TLN2: variants seen among roughly 807,000 people sequenced by gnomAD.
TLN2 encodes the protein talin-2.
TLN2 carries 118 observed loss-of-function variants against 294.7 expected under a neutral mutation model. The observed-to-expected ratio is 0.40, with a 90% confidence interval of 0.34 to 0.47. The LOEUF is 0.47. Ranked by LOEUF, TLN2 falls within the 20% of genes least tolerant of loss-of-function variation. TLN2 has a pLI of 0.84. For missense variants in TLN2, 3,083 were observed against 3,282.2 expected (o/e 0.94, Z 1.48); for synonymous variants, 1,431 against 1,304.5 (o/e 1.10, Z -2.09).
intron 1 of TLN2, among the ~76,000 whole-genome samples, chr15:62,575,226 G>A (rs1454316471): frequency 6.6e-6 from 1 of 152,122 alleles, no homozygotes; most frequent in Non-Finnish European, 1.5e-5. Context: ...GGTGAGAGGT[G>A]GGAGGATCGC....
Position 62,840,801 on chromosome 15 carries a change from A to C in TLN2, c.*191A>C. ...GCATGATCGTGATGTCACACGGTAC[A>C]ATGTCCTACCCACAACTCCTCTGCC... is the stretch of plus-strand genomic sequence containing the variant. On this transcript the variant is annotated 3_prime_UTR_variant, in exon 59 of 59. Transcript: ENST00000636159. The C allele has an allele frequency of 1.3e-6, 1 of 741,066 alleles. No homozygotes were observed. Among genetic ancestry groups the C allele is most frequent in the Non-Finnish European group, 2.1e-6 (1 of 477,116 alleles). 45.9% of individuals were successfully genotyped at this position (741,066 alleles called of 1,614,324 possible).
At chr15:62,397,575 A>T (rs949902251) in intron 1 of TLN2, among the ~76,000 whole-genome samples, 1 of 152,144 alleles carries the variant, frequency 6.6e-6, no homozygotes, top group African/African-American at 2.4e-5. Context: ...TACATTGAAA[A>T]AAGTACATAC....
intron 19 of TLN2, among the ~76,000 whole-genome samples, chr15:62,706,528 A>G (rs1378131111): frequency 6.6e-6 from 1 of 152,250 alleles, no homozygotes; most frequent in Non-Finnish European, 1.5e-5. Context: ...AGCTATAGGT[A>G]TTGGTGCCAG....
At chr15:62,445,937 C>T (rs975170030) in intron 1 of TLN2, among the ~76,000 whole-genome samples, 3 of 152,106 alleles carry the variant, frequency 2.0e-5, no homozygotes, top group African/African-American at 7.2e-5. Flanking sequence ...AGGCATGAGC[C>T]ATCGCCTACT....
intron 53 of TLN2, among the ~76,000 whole-genome samples, chr15:62,819,973 G>T (rs1184087772): frequency 1.3e-5 from 2 of 152,160 alleles, no homozygotes; most frequent in East Asian, 3.8e-4. Context: ...TTTTGAAAAT[G>T]ATGCTACCTG....
chr15:62,472,822 T>G (rs1273267951), intron 1 of TLN2, among the ~76,000 whole-genome samples: 1 of 152,184 alleles, frequency 6.6e-6, no homozygotes, highest in East Asian at 1.9e-4. Flanking sequence ...ATGAGCAGAA[T>G]TCCCCTGAGG....
chr15:62,760,271 T>C (rs1328554420), intron 37 of TLN2, among the ~76,000 whole-genome samples: 2 of 152,124 alleles, frequency 1.3e-5, no homozygotes, highest in East Asian at 1.9e-4. Context: ...AATATTAGCA[T>C]TGTGGGTATG....
At chr15:62,504,818 G>GGT (rs377405417) in intron 1 of TLN2, among the ~76,000 whole-genome samples, 9,784 of 143,388 alleles carry the variant, frequency 0.068, 490 homozygotes, top group African/African-American at 0.14. Flanking sequence ...TAGTTGGTGG[G>GGT]GTGTGTGTGT....
intron 42 of TLN2, among the ~76,000 whole-genome samples, chr15:62,775,303 A>G (rs1303201553): frequency 6.6e-6 from 1 of 152,178 alleles, no homozygotes; most frequent in Non-Finnish European, 1.5e-5. Context: ...TTCTGTACGA[A>G]TAAAAATGTA....
Position 62,800,433 on chromosome 15 carries a change from G to T in TLN2, c.6300G>T (p.Lys2100Asn). ...KALSDLISAT[K>N]GAASKPVDDP... ...TTTCTGATCTCATCAGTGCTACCAA[G>T]GGAGCTGCCAGCAAGCCAGTGGACG... Residue 2100 changes from lysine to asparagine, a missense_variant, in exon 49 of 59, where the codon AAG becomes AAT. By Grantham distance (94) the Lys-to-Asn change is moderately conservative. Coordinates refer to ENST00000636159, the MANE Select transcript of TLN2 (RefSeq NM_015059.3). 6.2e-7 allele frequency: 1 copy of T among 1,614,214 alleles called. No homozygotes were observed. Among genetic ancestry groups the T allele is most frequent in the Non-Finnish European group, 8.5e-7 (1 of 1,180,042 alleles).
At chr15:62,731,171 A>T (rs140730944) in intron 28 of TLN2, among the ~76,000 whole-genome samples, 11 of 152,208 alleles carry the variant, frequency 7.2e-5, no homozygotes, top group African/African-American at 2.6e-4. Flanking sequence ...TCTCTGCTGG[A>T]ATTCTGTATA....
At chr15:62,544,377 T>G (rs1312477941) in intron 1 of TLN2, among the ~76,000 whole-genome samples, 1 of 152,182 alleles carries the variant, frequency 6.6e-6, no homozygotes, top group African/African-American at 2.4e-5. Flanking sequence ...ATCTGCTTCC[T>G]TAGCCATCTT....
At chr15:62,585,307 A>T (rs1170111653) in intron 1 of TLN2, among the ~76,000 whole-genome samples, 1 of 152,206 alleles carries the variant, frequency 6.6e-6, no homozygotes, top group Non-Finnish European at 1.5e-5. Context: ...TGCTGTTGAG[A>T]TGATAATATT....
chr15:62,601,569 CTT>C (rs1054130674), intron 2 of TLN2, among the ~76,000 whole-genome samples: 11 of 152,190 alleles, frequency 7.2e-5, no homozygotes, highest in African/African-American at 2.7e-4. Flanking sequence ...ACTGTAGACT[CTT>C]TGTTACATTA....
In TLN2 at chr15:62,805,602, G is replaced by A; in HGVS notation, c.6480G>A (p.Val2160=). Residue 2160 remains valine, a splice_region_variant and synonymous_variant, in exon 51 of 59, where the codon GTG becomes GTA. Coordinates refer to ENST00000636159, the MANE Select transcript of TLN2 (RefSeq NM_015059.3). ...TIECIKQELT[V]FQSKDVPEKT... The stretch of plus-strand genomic sequence containing the variant: ...ACCTCTCTGTTTCTGACTTCCAGGT[G>A]TTCCAGTCAAAAGACGTACCTGAAA... 3 of 1,592,644 alleles carry A rather than the reference G, an allele frequency of 1.9e-6. No individual in the cohort carries two copies. In the South Asian group the frequency reaches 3.4e-5, roughly 18 times the overall value.
At chr15:62,463,872 G>A (rs549391621) in intron 1 of TLN2, among the ~76,000 whole-genome samples, 1 of 152,254 alleles carries the variant, frequency 6.6e-6, no homozygotes, top group Non-Finnish European at 1.5e-5. Context: ...GGGCAACAGA[G>A]CGAGACTCTG....
intron 57 of TLN2, among the ~76,000 whole-genome samples, chr15:62,836,972 A>ATGAT (rs10647117): frequency 0.22 from 33,347 of 151,988 alleles, 3,844 homozygotes; most frequent in South Asian, 0.41. Flanking sequence ...TCCATTTTTA[A>ATGAT]TGATTGCATG....
At chr15:62,561,190 G>C (rs2042928237) in intron 1 of TLN2, among the ~76,000 whole-genome samples, 2 of 152,196 alleles carry the variant, frequency 1.3e-5, no homozygotes, top group Admixed American at 6.5e-5. Context: ...ATCAAGGAAA[G>C]GAATTCCAAA....
chr15:62,716,649 C>G (rs1290916049), intron 23 of TLN2, among the ~76,000 whole-genome samples, 190 bp downstream of exon 23: 1 of 152,186 alleles, frequency 6.6e-6, no homozygotes, highest in African/African-American at 2.4e-5. Flanking sequence ...AAGCTCGAAT[C>G]CTTTCTAGCA....
Sources: allele counts gnomAD v4.1 joint callset (sites outside exome capture counted in the v4.1 genomes callset), GRCh38; gene constraint gnomAD v4.1.1; transcripts MANE v1.5; gene names NCBI Gene and HGNC (gene_info 2026-07-23, HGNC 2026-07-21).